The following TRAPPC9 variants were observed in gnomAD, a reference collection of about 807,000 sequenced individuals.
The protein encoded by TRAPPC9 is trafficking protein particle complex subunit 9, also known as IKK2 binding protein.
A neutral mutation model predicts 124.0 loss-of-function variants in TRAPPC9; 83 were observed. The ratio of observed to expected loss-of-function variants is 0.67; its 90% CI spans 0.56 to 0.80. The LOEUF (loss-of-function observed/expected upper bound fraction) is 0.80. TRAPPC9 is among the 30% of genes least tolerant of loss of function. The pLI is 0.00. For missense variants in TRAPPC9, 1,302 were observed against 1,508.3 expected, an observed-to-expected ratio of 0.86 and a Z score of 2.27; for synonymous variants, 638 against 617.5, an observed-to-expected ratio of 1.03 and a Z score of -0.49.
At chr8:140,452,113 T>G (rs1588384756) in intron 1 of TRAPPC9, among the ~76,000 whole-genome samples, 1 of 129,280 alleles carries the variant, frequency 7.7e-6, no homozygotes, top group Non-Finnish European at 1.6e-5. Flanking sequence ...AGAGTGAGAC[T>G]CCGTCTCAAA....
intron 19 of TRAPPC9, among the ~76,000 whole-genome samples, chr8:139,968,262 C>T (rs1253621621): frequency 6.6e-6 from 1 of 152,208 alleles, no homozygotes; most frequent in African/African-American, 2.4e-5. Context: ...CACCCCTGGC[C>T]CACAGCCTGA....
intron 16 of TRAPPC9, among the ~76,000 whole-genome samples, chr8:140,236,131 G>A (rs1410207601): frequency 7.2e-5 from 10 of 139,742 alleles, no homozygotes; most frequent in African/African-American, 2.7e-4. Context: ...CACCCAGGCT[G>A]GAGTGCTGTG....
intron 17 of TRAPPC9, among the ~76,000 whole-genome samples, chr8:140,189,991 G>C (rs2062448986): frequency 6.6e-6 from 1 of 152,126 alleles, no homozygotes; most frequent in South Asian, 2.1e-4. Flanking sequence ...CACATTCTTG[G>C]TAAGTTTTGA....
At chr8:140,072,822 A>G (rs1320801300) in intron 17 of TRAPPC9, among the ~76,000 whole-genome samples, 1 of 152,148 alleles carries the variant, frequency 6.6e-6, no homozygotes, top group African/African-American at 2.4e-5. Context: ...ATATCTGACA[A>G]ATTATTTAGA....
At chr8:140,174,566 T>C (rs778303664) in intron 17 of TRAPPC9, among the ~76,000 whole-genome samples, 1 of 152,120 alleles carries the variant, frequency 6.6e-6, no homozygotes, top group Non-Finnish European at 1.5e-5. Context: ...TCACTCCCGA[T>C]TCCCCCTCCT....
intron 17 of TRAPPC9, among the ~76,000 whole-genome samples, chr8:140,122,987 C>T (rs1300994242): frequency 6.6e-6 from 1 of 152,208 alleles, no homozygotes; most frequent in Non-Finnish European, 1.5e-5. Context: ...GGGTCCTATA[C>T]ATTTTTATTT....
chr8:140,374,991 G>T (rs566125579), intron 7 of TRAPPC9, among the ~76,000 whole-genome samples: 1 of 152,110 alleles, frequency 6.6e-6, no homozygotes, highest in South Asian at 2.1e-4. Flanking sequence ...GCCCTAAAAC[G>T]GTTCCTTAAT....
At chr8:139,780,350 C>A (rs887714219) in intron 21 of TRAPPC9, among the ~76,000 whole-genome samples, 22 of 152,046 alleles carry the variant, frequency 1.4e-4, no homozygotes, top group African/African-American at 4.6e-4. Flanking sequence ...ATCACGGGAA[C>A]AGAACAGAGA....
chr8:139,798,913 A>G (rs1207817168), intron 21 of TRAPPC9, among the ~76,000 whole-genome samples: 2 of 152,144 alleles, frequency 1.3e-5, no homozygotes, highest in African/African-American at 4.8e-5. Context: ...TTTCTGGCGG[A>G]GATTCTGTTC....
At chr8:139,754,245 T>C (rs957285029) in intron 21 of TRAPPC9, among the ~76,000 whole-genome samples, 1 of 152,218 alleles carries the variant, frequency 6.6e-6, no homozygotes, top group African/African-American at 2.4e-5. Flanking sequence ...GGGCATCTAA[T>C]GAGTGACCCC....
At chr8:140,283,443 C>T (rs1001583388) in intron 14 of TRAPPC9, among the ~76,000 whole-genome samples, 6 of 150,656 alleles carry the variant, frequency 4.0e-5, no homozygotes, top group Non-Finnish European at 7.4e-5. Context: ...TACAGGCGCC[C>T]GCCACCACGC....
chr8:140,000,208 T>C (rs1050795675), intron 18 of TRAPPC9, among the ~76,000 whole-genome samples: 1 of 152,182 alleles, frequency 6.6e-6, no homozygotes, highest in Non-Finnish European at 1.5e-5. Flanking sequence ...GATCCCTTCC[T>C]TACACTGTAT....
chr8:140,352,689 AC>A (rs1238947150), intron 9 of TRAPPC9, among the ~76,000 whole-genome samples: 3 of 151,462 alleles, frequency 2.0e-5, no homozygotes, highest in African/African-American at 7.3e-5. Flanking sequence ...CTCTGTTTCC[AC>A]CTCCCACTCA....
At chr8:139,964,946 G>T (rs1362669548) in intron 19 of TRAPPC9, among the ~76,000 whole-genome samples, 2 of 152,132 alleles carry the variant, frequency 1.3e-5, no homozygotes, top group African/African-American at 4.8e-5. Context: ...CTATCGTACC[G>T]AGCCTAACTG....
chr8:140,072,464 G>T (rs957085202), intron 17 of TRAPPC9, among the ~76,000 whole-genome samples: 3 of 151,940 alleles, frequency 2.0e-5, no homozygotes, highest in Non-Finnish European at 4.4e-5. Context: ...CTTGCAGTGA[G>T]CCGAGACTGC....
intron 16 of TRAPPC9, among the ~76,000 whole-genome samples, chr8:140,237,302 A>T (rs1221108202): frequency 6.6e-6 from 1 of 151,822 alleles, no homozygotes; most frequent in Non-Finnish European, 1.5e-5. Context: ...CTCAAAACTC[A>T]TCATCGCAGG....
At chr8:140,349,230 GAAGGGGGCACA>G (rs1457743562) in intron 9 of TRAPPC9, among the ~76,000 whole-genome samples, 95 of 103,622 alleles carry the variant, frequency 9.2e-4, no homozygotes, top group African/African-American at 3.0e-3. Context: ...GAAGGGGGCC[GAAGGGGGCACA>G]CGACGGAAGG....
rs750248641 is a variant in TRAPPC9 at position 140,397,734 on chromosome 8, C to G, written c.1020G>C (p.Ala340=). 1.2e-6 allele frequency: 2 copies of G among 1,614,114 alleles called. No individual in the cohort carries two copies. The highest frequency in any genetic ancestry group is 8.5e-7 in the Non-Finnish European group (1 of 1,180,008). ...AISYYSKYKN[A]GVIELEACIK... is the part of the protein sequence containing the mutation. ...TGCACGCTTCCAACTCAATCACTCC[C>G]GCATTCTTATACTGCAGGGTGTAAA... The change falls in exon 7 of 23, where the codon GCG becomes GCC. Residue 340 remains alanine, a synonymous_variant. Transcript: ENST00000438773.
chr8:139,880,625 C>G (rs1471626292), intron 21 of TRAPPC9, among the ~76,000 whole-genome samples: 1 of 152,212 alleles, frequency 6.6e-6, no homozygotes, highest in African/African-American at 2.4e-5. Flanking sequence ...AATCGAGAGT[C>G]ACGTGCCCAT....
Sources: allele counts gnomAD v4.1 joint callset (sites outside exome capture counted in the v4.1 genomes callset), GRCh38; gene constraint gnomAD v4.1.1; transcripts MANE v1.5; gene names NCBI Gene and HGNC (gene_info 2026-07-23, HGNC 2026-07-21).